DSCAM: variants seen among roughly 807,000 people sequenced by gnomAD.
The protein encoded by DSCAM is cell adhesion molecule DSCAM.
A neutral mutation model predicts 217.7 loss-of-function variants in DSCAM; 47 were observed. That is an observed-to-expected ratio of 0.22 (90% CI 0.17 to 0.28). The LOEUF is 0.28. DSCAM is among the 10% of genes least tolerant of loss of function. DSCAM has a pLI of 1.00. For synonymous variants in DSCAM, 1,056 were observed against 1,015.3 expected, an observed-to-expected ratio of 1.04 and a Z score of -0.76; for missense variants, 2,080 against 2,618.3, an observed-to-expected ratio of 0.79 and a Z score of 4.49.
intron 11 of DSCAM, among the ~76,000 whole-genome samples, chr21:40,207,752 T>C (rs1234169911): frequency 6.6e-6 from 1 of 152,198 alleles, no homozygotes; most frequent in Non-Finnish European, 1.5e-5. Flanking sequence ...AATAGGACTT[T>C]ATTATCTCAC....
intron 3 of DSCAM, among the ~76,000 whole-genome samples, chr21:40,479,885 C>G (rs1459088504): frequency 6.6e-6 from 1 of 152,200 alleles, no homozygotes; most frequent in Non-Finnish European, 1.5e-5. Context: ...TATTTTCAGA[C>G]ATATGTGTGT....
chr21:40,649,131 T>A lies in DSCAM; in HGVS notation c.508+43679A>T, dbSNP rs12482444. On this transcript the variant is annotated intron_variant, in intron 3 of 32. Coordinates refer to ENST00000400454, the MANE Select transcript of DSCAM (RefSeq NM_001389.5). ...ATTAAGCTAATAGTCATCAGGCCAG[T>A]GCACTACATCTGGTTACAAAAGAAG... Among the ~76,000 whole-genome samples the A allele has an allele frequency of 3.3e-5, 5 of 152,138 alleles. No individual in the cohort carries two copies. In the East Asian group the frequency reaches 9.7e-4, roughly 29 times the overall value.
At chr21:40,467,057 T>G (rs1374589854) in intron 3 of DSCAM, among the ~76,000 whole-genome samples, 1 of 152,190 alleles carries the variant, frequency 6.6e-6, no homozygotes, top group African/African-American at 2.4e-5. Flanking sequence ...AAGCCAAAGA[T>G]GTATGTCTGT....
intron 1 of DSCAM, among the ~76,000 whole-genome samples, chr21:40,836,332 A>T (rs1164294112): frequency 6.6e-6 from 1 of 152,224 alleles, no homozygotes; most frequent in Non-Finnish European, 1.5e-5. Flanking sequence ...AAACCTGAAT[A>T]TCAAATACGC....
At chr21:40,642,805 G>A (rs1394245950) in intron 3 of DSCAM, among the ~76,000 whole-genome samples, 2 of 152,096 alleles carry the variant, frequency 1.3e-5, no homozygotes, top group Non-Finnish European at 2.9e-5. Flanking sequence ...GCCCAGGCTG[G>A]TCTTGAACTC....
intron 3 of DSCAM, among the ~76,000 whole-genome samples, chr21:40,506,955 A>G (rs2076214517): frequency 1.3e-5 from 2 of 152,226 alleles, no homozygotes; most frequent in South Asian, 2.1e-4. Flanking sequence ...TTACACTTTG[A>G]TTGGAAAAAA....
chr21:40,361,068 C>T (rs1280646124), intron 4 of DSCAM, among the ~76,000 whole-genome samples: 7 of 151,896 alleles, frequency 4.6e-5, no homozygotes, highest in African/African-American at 9.7e-5. Flanking sequence ...AATAACCGAA[C>T]GGCATTGTCT....
In DSCAM at chr21:40,261,713, A is replaced by G. The variant is rs118180385; in HGVS notation, c.2356+14384T>C. The stretch of plus-strand genomic sequence containing the variant: ...TTCTTATATAAGTATATACATATAT[A>G]CCAATATAAAGAGATATAAATATGT... On this transcript the variant is annotated intron_variant, in intron 11 of 32. Transcript: ENST00000400454. 8.2e-4 allele frequency among the ~76,000 whole-genome samples: 125 copies of G among 152,084 alleles called. 1 individual carries two copies. The East Asian group carries it at 0.017, about 20-fold the overall frequency.
intron 3 of DSCAM, among the ~76,000 whole-genome samples, chr21:40,600,255 T>C (rs542957472): frequency 1.3e-5 from 2 of 152,316 alleles, no homozygotes; most frequent in South Asian, 4.1e-4. Context: ...ACAACTGACA[T>C]TTCTCACAGT....
At chr21:40,494,507 AAATT>A (rs1449708496) in intron 3 of DSCAM, among the ~76,000 whole-genome samples, 15 of 152,190 alleles carry the variant, frequency 9.9e-5, no homozygotes, top group African/African-American at 3.4e-4. Context: ...GTCAAAGAAG[AAATT>A]AATAGGTCAT....
intron 3 of DSCAM, among the ~76,000 whole-genome samples, chr21:40,414,822 C>G (rs2075355814): frequency 1.3e-5 from 2 of 152,142 alleles, no homozygotes; most frequent in South Asian, 4.1e-4. Flanking sequence ...GGTAAGTCAT[C>G]AGGTCTAAAA....
At chr21:40,033,254 T>C (rs1291221421) in intron 32 of DSCAM, among the ~76,000 whole-genome samples, 2 of 152,102 alleles carry the variant, frequency 1.3e-5, no homozygotes, top group Non-Finnish European at 2.9e-5. Flanking sequence ...GGCATTTCCA[T>C]CTGAGGTACC....
Position 40,540,976 on chromosome 21 carries a change from G to A in DSCAM, c.508+151834C>T, listed in dbSNP as rs370346116. Among the ~76,000 whole-genome samples the A allele has an allele frequency of 4.8e-4, 73 of 152,016 alleles. 2 individuals carry two copies. In the South Asian group the frequency reaches 0.015, roughly 31 times the overall value. On this transcript the variant is annotated intron_variant, in intron 3 of 32. Transcript: ENST00000400454. The stretch of plus-strand genomic sequence containing the variant: ...GTTAATGAGCTCAAGTGATTACCCT[G>A]CTTTCATCCTTCTGAGTAGCTGGGA...
intron 4 of DSCAM, among the ~76,000 whole-genome samples, chr21:40,363,330 G>A (rs895276870): frequency 3.6e-5 from 5 of 137,416 alleles, no homozygotes; most frequent in African/African-American, 1.4e-4. Context: ...TTGGCTCACT[G>A]CAACCTCTGC....
intron 11 of DSCAM, among the ~76,000 whole-genome samples, chr21:40,196,160 G>A (rs2091005467): frequency 1.3e-5 from 2 of 152,188 alleles, no homozygotes. Flanking sequence ...GCCTGCAGAG[G>A]TGATGTGGGG....
At chr21:40,274,271 T>C (rs2073658105) in intron 11 of DSCAM, among the ~76,000 whole-genome samples, 1 of 152,160 alleles carries the variant, frequency 6.6e-6, no homozygotes, top group African/African-American at 2.4e-5. Flanking sequence ...GAAGCTTTCC[T>C]TAATTCCCCC....
intron 1 of DSCAM, among the ~76,000 whole-genome samples, chr21:40,756,116 G>A (rs1483369863): frequency 6.6e-6 from 1 of 152,174 alleles, no homozygotes; most frequent in Non-Finnish European, 1.5e-5. Flanking sequence ...AATCATGGGG[G>A]TGGATTTCTC....
intron 1 of DSCAM, among the ~76,000 whole-genome samples, chr21:40,757,874 A>T (rs1355025063): frequency 5.9e-5 from 9 of 152,200 alleles, no homozygotes; most frequent in Admixed American, 5.9e-4. Flanking sequence ...ATCACAGTGG[A>T]CAGAATCGTG....
rs1009719340 is a variant in DSCAM, at chr21:40,756,581, G to T, written c.44-47810C>A. ...TAATTTTTGTATTTTTAGCACAGAT[G>T]GGGTTTCATCATGTTGGTCAGGCTG... On this transcript the variant is annotated intron_variant, in intron 1 of 32. Coordinates refer to ENST00000400454, the MANE Select transcript of DSCAM (RefSeq NM_001389.5). Among the ~76,000 whole-genome samples, 4 of 151,434 alleles carry T rather than the reference G, an allele frequency of 2.6e-5. No homozygotes were observed. In the South Asian group the frequency reaches 6.3e-4, roughly 24 times the overall value.
Sources: gnomAD v4.1 joint callset for allele counts (sites outside exome capture counted in the v4.1 genomes callset) on GRCh38, gnomAD v4.1.1 for gene constraint, MANE v1.5 for transcripts, NCBI Gene and HGNC (gene_info 2026-07-23, HGNC 2026-07-21) for gene names.